Variants in GAS7 observed in about 807,000 individuals in gnomAD.
GAS7 encodes growth arrest specific 7.
In GAS7, 28 loss-of-function variants were observed where a neutral mutation model predicts 71.1. That is an observed-to-expected ratio of 0.39 (90% CI 0.29 to 0.54). The LOEUF is 0.54. Ranked by LOEUF, GAS7 falls within the 20% of genes least tolerant of loss-of-function variation. The pLI is 0.62. For synonymous variants in GAS7, 258 were observed against 245.8 expected (o/e 1.05, Z -0.46); for missense variants, 436 against 627.8 (o/e 0.69, Z 3.27).
chr17:9,984,265 G>A (rs1362820981), intron 2 of GAS7, among the ~76,000 whole-genome samples: 10 of 152,050 alleles, frequency 6.6e-5, no homozygotes, highest in Admixed American at 6.6e-4. Flanking sequence ...AAATAAAGAG[G>A]TTCGGCTACT....
chr17:10,119,153 A>G (rs1170938851), intron 1 of GAS7, among the ~76,000 whole-genome samples: 2 of 152,208 alleles, frequency 1.3e-5, no homozygotes, highest in African/African-American at 4.8e-5. Context: ...AGCAGACACT[A>G]AACACAATAA....
intron 1 of GAS7, among the ~76,000 whole-genome samples, chr17:10,091,981 T>A (rs1406622293): frequency 1.4e-5 from 2 of 140,140 alleles, no homozygotes; most frequent in Admixed American, 7.1e-5. Flanking sequence ...AAAAAAAAAA[T>A]GTGCCCTGAC....
intron 1 of GAS7, among the ~76,000 whole-genome samples, chr17:10,028,266 T>G (rs1011672141): frequency 1.3e-5 from 2 of 152,042 alleles, no homozygotes; most frequent in African/African-American, 4.8e-5. Context: ...TCCAGGTACT[T>G]GAGAGGCTGA....
chr17:10,157,779 C>G (rs1283163163), intron 1 of GAS7, among the ~76,000 whole-genome samples: 1 of 152,186 alleles, frequency 6.6e-6, no homozygotes, highest in Non-Finnish European at 1.5e-5. Flanking sequence ...ACATATCACC[C>G]TTAGGCATAT....
Position 9,981,731 on chromosome 17 carries a change from A to T in GAS7, c.385+73T>A. ...CAGCCAGGTTTAAGACCCAGGACCC[A>T]TCATCTCAGCCTCTCCACTGAATGT... On this transcript the variant is annotated intron_variant, in intron 3 of 13. Transcript: ENST00000432992. This position sits in a 1 kb window ranked among gnomAD's most constrained non-coding sequence, Gnocchi z 4.4. 1.1e-6 allele frequency: 1 copy of T among 896,140 alleles called. No individual in the cohort carries two copies. Among genetic ancestry groups the T allele is most frequent in the Non-Finnish European group, 1.9e-6 (1 of 531,396 alleles). The allele number at this position is 896,140 out of a possible 1,614,324, so 55.5% of individuals were successfully genotyped here. A position where few individuals can be genotyped will look rare whatever the true frequency, so the allele number is the denominator to read the frequency against.
chr17:10,100,308 T>C (rs924293765), intron 1 of GAS7, among the ~76,000 whole-genome samples: 2 of 152,244 alleles, frequency 1.3e-5, no homozygotes, highest in Non-Finnish European at 2.9e-5. Flanking sequence ...CTGTTCATCT[T>C]GATTTCCTCA....
chr17:10,054,971 G>C (rs2073116076), intron 1 of GAS7, among the ~76,000 whole-genome samples: 1 of 152,192 alleles, frequency 6.6e-6, no homozygotes, highest in African/African-American at 2.4e-5. Context: ...CAGCTGAGAA[G>C]GTTTGGAAGT....
chr17:10,114,727 CACACA>C (rs1346199572), intron 1 of GAS7, among the ~76,000 whole-genome samples: 15 of 145,408 alleles, frequency 1.0e-4, no homozygotes, highest in African/African-American at 3.8e-4. Flanking sequence ...CACACACACA[CACACA>C]CTGTGTTGTG....
In GAS7 at chr17:9,959,615, A is replaced by G. The variant is rs1469683811; in HGVS notation, c.472-360T>C. The G allele has an allele frequency of 2.4e-6, 1 of 408,666 alleles. No homozygotes were observed. Among genetic ancestry groups the G allele is most frequent in the Non-Finnish European group, 4.2e-6 (1 of 236,764 alleles). The allele number at this position is 408,666 out of a possible 1,614,324, so 25.3% of individuals were successfully genotyped here. A position where few individuals can be genotyped will look rare whatever the true frequency, so the allele number is the denominator to read the frequency against. ...CTTGCTGCCTGAAGCCGCGGAATCC[A>G]CTGGGGAGAAGAGAGTTAAGGCCAC... On this transcript the variant is annotated intron_variant, in intron 4 of 13. Coordinates refer to ENST00000432992, the MANE Select transcript of GAS7 (RefSeq NM_201433.2). This position sits in a 1 kb window ranked among gnomAD's most constrained non-coding sequence, Gnocchi z 5.0.
chr17:10,127,743 A>G (rs1597807693), intron 1 of GAS7, among the ~76,000 whole-genome samples: 2 of 152,090 alleles, frequency 1.3e-5, no homozygotes. Flanking sequence ...GTCCCCCTAA[A>G]CCCCCAAGAC....
chr17:10,044,142 T>C (rs148747410), intron 1 of GAS7, among the ~76,000 whole-genome samples: 17 of 152,356 alleles, frequency 1.1e-4, no homozygotes, highest in African/African-American at 4.1e-4. Flanking sequence ...TGGGGAATGC[T>C]TTCAGCATCA....
intron 1 of GAS7, among the ~76,000 whole-genome samples, chr17:10,137,913 A>C (rs1032533859): frequency 1.3e-5 from 2 of 152,004 alleles, no homozygotes; most frequent in Admixed American, 1.3e-4. Context: ...TGGTTGACCA[A>C]GGTACAGTAA....
At chr17:10,162,066 C>CAAAAAAAAAAAAAAAAAAAAAA (rs58368044) in intron 1 of GAS7, among the ~76,000 whole-genome samples, 1 of 103,618 alleles carries the variant, frequency 9.7e-6, no homozygotes, top group Non-Finnish European at 1.9e-5. Context: ...GACTCCATCT[C>CAAAAAAAAAAAAAAAAAAAAAA]AAAAAAAAAA....
At chr17:10,020,078 C>A (rs146484966) in intron 1 of GAS7, 181 bp from the exon 2 acceptor site, 4 of 596,902 alleles carry the variant, frequency 6.7e-6, no homozygotes, top group African/African-American at 5.5e-5. Context: ...TGAGCATGAG[C>A]AGTGAGAAGC....
intron 1 of GAS7, among the ~76,000 whole-genome samples, chr17:10,063,838 T>C (rs1284124913): frequency 6.6e-6 from 1 of 152,220 alleles, no homozygotes; most frequent in Non-Finnish European, 1.5e-5. Flanking sequence ...ACTCAGGTCA[T>C]GGGCTTCCCC....
At chr17:9,948,005 T>C (rs942287821) in intron 5 of GAS7, among the ~76,000 whole-genome samples, 1 of 152,236 alleles carries the variant, frequency 6.6e-6, no homozygotes, top group Non-Finnish European at 1.5e-5. Flanking sequence ...ATTTTTCTTG[T>C]TTATAATTGT....
chr17:10,007,004 C>T (rs920575778), intron 2 of GAS7, among the ~76,000 whole-genome samples: 5 of 152,204 alleles, frequency 3.3e-5, no homozygotes, highest in African/African-American at 9.6e-5. Context: ...TACATGTTTA[C>T]CTATTTAAAG....
At chr17:10,051,184 G>C (rs2073057006) in intron 1 of GAS7, among the ~76,000 whole-genome samples, 1 of 152,134 alleles carries the variant, frequency 6.6e-6, no homozygotes, top group Non-Finnish European at 1.5e-5. Flanking sequence ...AATTTTTGCA[G>C]GGATTAAATA....
intron 1 of GAS7, among the ~76,000 whole-genome samples, chr17:10,118,556 C>T (rs1046277977): frequency 6.6e-6 from 1 of 152,058 alleles, no homozygotes; most frequent in Non-Finnish European, 1.5e-5. Context: ...ACTAAAAATA[C>T]AAAAATTAGC....
Sources: allele counts gnomAD v4.1 joint callset (sites outside exome capture counted in the v4.1 genomes callset), GRCh38; gene constraint gnomAD v4.1.1; non-coding constraint Gnocchi (gnomAD v3.1); transcripts MANE v1.5; gene names NCBI Gene and HGNC (gene_info 2026-07-23, HGNC 2026-07-21).